The following CDS1 variants were observed in gnomAD, a reference collection of about 807,000 sequenced individuals.
CDS1 encodes the protein CDP-diacylglycerol synthase 1, also known as phosphatidate cytidylyltransferase 1.
A neutral mutation model predicts 62.1 loss-of-function variants in CDS1; 41 were observed. The ratio of observed to expected loss-of-function variants is 0.66; its 90% CI spans 0.51 to 0.86. The LOEUF is 0.86. Among genes scored for constraint, CDS1 ranks in the 40% least tolerant of loss-of-function variants. CDS1 has a pLI of 0.00. For missense variants in CDS1, 470 were observed against 550.1 expected, an observed-to-expected ratio of 0.85 and a Z score of 1.46; for synonymous variants, 185 against 192.6, an observed-to-expected ratio of 0.96 and a Z score of 0.32.
At chr4:84,633,579 G>T (rs1724088462) in intron 6 of CDS1, among the ~76,000 whole-genome samples, 1 of 152,044 alleles carries the variant, frequency 6.6e-6, no homozygotes, top group Non-Finnish European at 1.5e-5. Context: ...CAAGATAATG[G>T]TTTATTTTTT....
intron 1 of CDS1, among the ~76,000 whole-genome samples, chr4:84,598,862 C>A (rs1377883360): frequency 6.6e-6 from 1 of 152,132 alleles, no homozygotes; most frequent in Non-Finnish European, 1.5e-5. Context: ...ATGATGGAAT[C>A]ATCCTCTTGA....
At chr4:84,596,031 C>T (rs1722736721) in intron 1 of CDS1, among the ~76,000 whole-genome samples, 1 of 152,084 alleles carries the variant, frequency 6.6e-6, no homozygotes, top group Non-Finnish European at 1.5e-5. Flanking sequence ...AAAAACAGAG[C>T]AGCAATACTG....
chr4:84,648,175 C>T (rs570043633), intron 12 of CDS1, among the ~76,000 whole-genome samples: 1 of 152,314 alleles, frequency 6.6e-6, no homozygotes, highest in South Asian at 2.1e-4. Flanking sequence ...TTCATGCCCT[C>T]TTTTTGGTTT....
intron 5 of CDS1, among the ~76,000 whole-genome samples, chr4:84,624,326 A>C (rs1037962703): frequency 6.6e-6 from 1 of 151,640 alleles, no homozygotes; most frequent in Non-Finnish European, 1.5e-5. Context: ...TTTTAAATGA[A>C]AATATATGCC....
intron 3 of CDS1, among the ~76,000 whole-genome samples, chr4:84,612,729 G>T (rs1425221328): frequency 1.3e-5 from 2 of 152,062 alleles, no homozygotes; most frequent in Non-Finnish European, 2.9e-5. Context: ...GGTGGCTGAC[G>T]CCTGTAATCT....
At chr4:84,591,538 T>C (rs1370178436) in intron 1 of CDS1, among the ~76,000 whole-genome samples, 2 of 152,186 alleles carry the variant, frequency 1.3e-5, no homozygotes, top group African/African-American at 2.4e-5. Context: ...ATCTCTTGAA[T>C]TATGGACTTT....
At chr4:84,611,116 C>T (rs952559935) in intron 3 of CDS1, among the ~76,000 whole-genome samples, 4 of 152,130 alleles carry the variant, frequency 2.6e-5, no homozygotes, top group African/African-American at 9.7e-5. Flanking sequence ...TGGGGAGGAC[C>T]ATCACAGGCA....
chr4:84,640,559 G>A lies in CDS1; in HGVS notation c.880-279G>A, dbSNP rs558896528. ...AGAAGCTTGTGTGCAGTATACTTCAGTTCTTTATTCTCCTGTACCGTATAA... is the reference window on the plus strand; with the variant it reads ...AGAAGCTTGTGTGCAGTATACTTCAATTCTTTATTCTCCTGTACCGTATAA... On this transcript the variant is annotated intron_variant, in intron 9 of 12. Coordinates refer to ENST00000295887, the MANE Select transcript of CDS1 (RefSeq NM_001263.4). 2.9e-4 allele frequency among the ~76,000 whole-genome samples: 44 copies of A among 152,158 alleles called. No homozygotes were observed. In the South Asian group the frequency reaches 8.9e-3, roughly 31 times the overall value.
intron 5 of CDS1, among the ~76,000 whole-genome samples, chr4:84,630,099 CA>C (rs1402775285): frequency 2.0e-5 from 3 of 152,034 alleles, no homozygotes; most frequent in Non-Finnish European, 2.9e-5. Context: ...ATCAGTGGCA[CA>C]AAAACAGCAT....
chr4:84,584,782 A>G (rs1254720310), intron 1 of CDS1, among the ~76,000 whole-genome samples: 2 of 152,246 alleles, frequency 1.3e-5, no homozygotes, highest in Non-Finnish European at 2.9e-5. Context: ...GTAGAATAAA[A>G]TGAGTCTGTA....
At chr4:84,589,962 C>T (rs746447183) in intron 1 of CDS1, among the ~76,000 whole-genome samples, 7 of 152,342 alleles carry the variant, frequency 4.6e-5, no homozygotes, top group South Asian at 2.1e-4. Flanking sequence ...AGGCACCCGC[C>T]ACCACGCCTG....
At chr4:84,633,804 G>A (rs1724094154) in intron 6 of CDS1, 53 bp from the exon 7 acceptor site, 1 of 1,198,158 alleles carries the variant, frequency 8.3e-7, no homozygotes, top group South Asian at 1.6e-5. Context: ...TGCTTCTTCA[G>A]CTGCACTGAT....
At chr4:84,591,889 A>G (rs1386171745) in intron 1 of CDS1, among the ~76,000 whole-genome samples, 1 of 152,180 alleles carries the variant, frequency 6.6e-6, no homozygotes, top group African/African-American at 2.4e-5. Context: ...GTCTTTTTGA[A>G]TCTATGAAAT....
chr4:84,633,588 TTA>T (rs1410191034), intron 6 of CDS1, among the ~76,000 whole-genome samples: 1 of 152,220 alleles, frequency 6.6e-6, no homozygotes, highest in Admixed American at 6.5e-5. Flanking sequence ...GGTTTATTTT[TTA>T]TATGTTTTAA....
rs528617646 is a variant in CDS1 at position 84,635,256 on chromosome 4, A to T, written c.723-8A>T. The stretch of plus-strand genomic sequence containing the variant: ...TCTGCTGACTTTTTTTTTTTTTTTT[A>T]AAAACAGGTTCCTTGTTCCAATATC... On this transcript the variant is annotated splice_polypyrimidine_tract_variant and splice_region_variant and intron_variant, in intron 7 of 12. Coordinates refer to ENST00000295887, the MANE Select transcript of CDS1 (RefSeq NM_001263.4). The T allele has an allele frequency of 4.0e-3, 5,367 of 1,358,350 alleles. 89 individuals carry two copies. In the African/African-American group the frequency reaches 0.06, roughly 15 times the overall value. 84.1% of individuals were successfully genotyped at this position (1,358,350 alleles called of 1,614,324 possible).
At chr4:84,622,254 C>T (rs1462958391) in intron 5 of CDS1, among the ~76,000 whole-genome samples, 1 of 152,084 alleles carries the variant, frequency 6.6e-6, no homozygotes, top group Non-Finnish European at 1.5e-5. Context: ...TGTTATTGAA[C>T]CCAACACTTT....
intron 1 of CDS1, among the ~76,000 whole-genome samples, chr4:84,593,024 A>G (rs1034238527): frequency 6.6e-6 from 1 of 152,214 alleles, no homozygotes; most frequent in Admixed American, 6.5e-5. Context: ...CTCAATATAT[A>G]AAAATCCAGA....
intron 1 of CDS1, among the ~76,000 whole-genome samples, chr4:84,591,637 T>C (rs1722593730): frequency 1.3e-5 from 2 of 152,212 alleles, no homozygotes; most frequent in Admixed American, 1.3e-4. Context: ...ATATCAATTT[T>C]AGTCTTTTAA....
intron 5 of CDS1, among the ~76,000 whole-genome samples, chr4:84,629,260 A>T (rs1442383041): frequency 6.6e-6 from 1 of 152,064 alleles, no homozygotes; most frequent in Admixed American, 6.6e-5. Context: ...TTTCTCTTTT[A>T]CAATGTTTTT....
Sources: allele counts gnomAD v4.1 joint callset (sites outside exome capture counted in the v4.1 genomes callset), GRCh38; gene constraint gnomAD v4.1.1; transcripts MANE v1.5; gene names NCBI Gene and HGNC (gene_info 2026-07-23, HGNC 2026-07-21).